ATXN2: variants seen among roughly 807,000 people sequenced by gnomAD.
ATXN2 encodes ataxin-2.
In ATXN2, 37 loss-of-function variants were observed where a neutral mutation model predicts 138.6. The ratio of observed to expected loss-of-function variants is 0.27; its 90% CI spans 0.21 to 0.35. The LOEUF (loss-of-function observed/expected upper bound fraction) is 0.35, where lower values mean the gene tolerates loss of function less well. Ranked by LOEUF, ATXN2 falls within the 10% of genes least tolerant of loss-of-function variation. The pLI, the probability that ATXN2 is intolerant of heterozygous loss-of-function variation, is 1.00. For synonymous variants in ATXN2, 549 were observed against 543.7 expected, an observed-to-expected ratio of 1.01 and a Z score of -0.13; for missense variants, 1,216 against 1,480.3, an observed-to-expected ratio of 0.82 and a Z score of 2.93.
chr12:111,581,835 T>TC, intron 1 of ATXN2: 1 of 368,194 alleles, frequency 2.7e-6, no homozygotes, highest in Non-Finnish European at 5.1e-6. Flanking sequence ...TCCCATGTAC[T>TC]CCATCCACCC....
At chr12:111,573,115 C>T (rs529501100) in intron 1 of ATXN2, among the ~76,000 whole-genome samples, 2 of 151,526 alleles carry the variant, frequency 1.3e-5, no homozygotes, top group East Asian at 1.9e-4. Context: ...AGGACTAAAG[C>T]ATGGTTGATT....
At chr12:111,477,738 G>GT (rs1214262523) in intron 18 of ATXN2, among the ~76,000 whole-genome samples, 1 of 152,000 alleles carries the variant, frequency 6.6e-6, no homozygotes, top group Non-Finnish European at 1.5e-5. Context: ...TATTTTCACA[G>GT]TAAGAAAAGA....
intron 10 of ATXN2, among the ~76,000 whole-genome samples, chr12:111,514,185 C>G (rs1346454307): frequency 6.6e-6 from 1 of 152,136 alleles, no homozygotes; most frequent in Admixed American, 6.5e-5. Context: ...AGGCTGTGAG[C>G]TGAAAATTCT....
At chr12:111,473,658 C>T (rs1368153921) in intron 18 of ATXN2, among the ~76,000 whole-genome samples, 3 of 152,062 alleles carry the variant, frequency 2.0e-5, no homozygotes, top group Non-Finnish European at 4.4e-5. Flanking sequence ...GACATATTAT[C>T]TCCTGGATAG....
rs528324784 is a variant in ATXN2, at chr12:111,574,782, G to T, written c.252-18863C>A. Among the ~76,000 whole-genome samples the T allele has an allele frequency of 5.9e-5, 9 of 152,222 alleles. No homozygotes were observed. The South Asian group carries it at 1.9e-3, about 32-fold the overall frequency. Reference sequence around the variant, plus strand: ...GTTGAAGTATAGTCCTTCACCCAGAGAAGCTAGTGACTCAAGTTCCTGGTT... The same window carrying T: ...GTTGAAGTATAGTCCTTCACCCAGATAAGCTAGTGACTCAAGTTCCTGGTT... On this transcript the variant is annotated intron_variant, in intron 1 of 24. Transcript: ENST00000673436.
rs1001745886 is a variant in ATXN2, at chr12:111,562,612, C to T, written c.252-6693G>A. On this transcript the variant is annotated intron_variant, in intron 1 of 24. Coordinates refer to ENST00000673436, the MANE Select transcript of ATXN2 (RefSeq NM_001372574.1). ...GCGCATGTCTGTAATCCCAGCTACT[C>T]GGGAGGCTGACGCAGGAGAACTGCT... Among the ~76,000 whole-genome samples, 6 of 148,574 alleles carry T rather than the reference C, an allele frequency of 4.0e-5. No individual in the cohort carries two copies. In the South Asian group the frequency reaches 1.1e-3, roughly 27 times the overall value.
chr12:111,549,199 C>A (rs1305058634), intron 5 of ATXN2, among the ~76,000 whole-genome samples: 1 of 152,020 alleles, frequency 6.6e-6, no homozygotes, highest in Admixed American at 6.6e-5. Context: ...GTGAACCCAG[C>A]ATTAAGAAGC....
rs748666992 is a variant in ATXN2, at chr12:111,516,329, GGAA to G, written c.1197_1199del (p.Ser401del). ...ACTGGTAGCGAGAAGGTGGGCGAGA[GGAA>G]GGAGATGGGCAAGGCGATGGCCAGG... On this transcript the variant is annotated inframe_deletion, in exon 10 of 25. Transcript: ENST00000673436. This position sits in a 1 kb window ranked among gnomAD's most constrained non-coding sequence, Gnocchi z 5.0. The G allele has an allele frequency of 1.2e-4, 197 of 1,585,034 alleles. No individual in the cohort carries two copies. Among genetic ancestry groups the G allele is most frequent in the Non-Finnish European group, 2.2e-5 (26 of 1,168,926 alleles).
rs1172751613 is a variant in ATXN2 at position 111,453,086 on chromosome 12, AAAAG to A, written c.3440-250_3440-247del. Reference sequence around the variant, plus strand: ...AGAAGACTTGTTCATGGGGTAGAAAAAAAGGCCTTAACAAACCCCCTCCCCAAAT... The same window carrying A: ...AGAAGACTTGTTCATGGGGTAGAAAAGCCTTAACAAACCCCCTCCCCAAAT... On this transcript the variant is annotated intron_variant, in intron 24 of 24. Coordinates refer to ENST00000673436, the MANE Select transcript of ATXN2 (RefSeq NM_001372574.1). This position sits in a 1 kb window ranked among gnomAD's most constrained non-coding sequence, Gnocchi z 5.4. 4 of 1,281,792 alleles carry A rather than the reference AAAAG, an allele frequency of 3.1e-6. No individual in the cohort carries two copies. The East Asian group carries it at 1.2e-4, about 40-fold the overall frequency. The allele number at this position is 1,281,792 out of a possible 1,614,324, so 79.4% of individuals were successfully genotyped here.
intron 16 of ATXN2, 85 bp downstream of exon 16, chr12:111,486,676 A>G (rs1177051749): frequency 3.3e-5 from 38 of 1,158,876 alleles, no homozygotes; most frequent in Non-Finnish European, 4.4e-5. Context: ...AACAAAATTC[A>G]GATGGCAGGT....
Position 111,470,750 on chromosome 12 carries a change from A to G in ATXN2, c.2525-8T>C. ...GTTGGGGCATATTTGGTACTGCAGA[A>G]AAAAAAGCAGACTGCCTATTAAACA... On this transcript the variant is annotated splice_region_variant and splice_polypyrimidine_tract_variant and intron_variant, in intron 18 of 24. Coordinates refer to ENST00000673436, the MANE Select transcript of ATXN2 (RefSeq NM_001372574.1). 1 of 1,612,924 alleles carries G rather than the reference A, an allele frequency of 6.2e-7. No homozygotes were observed. The highest frequency in any genetic ancestry group is 1.1e-5 in the South Asian group (1 of 91,052).
intron 14 of ATXN2, among the ~76,000 whole-genome samples, chr12:111,502,889 A>G (rs1214299277): frequency 1.3e-5 from 2 of 152,204 alleles, no homozygotes; most frequent in African/African-American, 4.8e-5. Context: ...TTTATAGGCA[A>G]TATCTCATCG....
intron 23 of ATXN2, chr12:111,455,166 C>T (rs1262813434): frequency 2.8e-6 from 2 of 702,054 alleles, no homozygotes; most frequent in Admixed American, 2.0e-5. Context: ...TCACTTAGAC[C>T]CGCCTCAGAG....
chr12:111,559,024 A>G (rs1182755891), intron 1 of ATXN2, among the ~76,000 whole-genome samples: 1 of 151,776 alleles, frequency 6.6e-6, no homozygotes, highest in Non-Finnish European at 1.5e-5. Context: ...TTACAGATCT[A>G]CCAGTTTACG....
In ATXN2 at chr12:111,477,966, T is replaced by A. The variant is rs76535171; in HGVS notation, c.2525-7224A>T. The stretch of plus-strand genomic sequence containing the variant: ...GTGCCTGGCTAATTTTTCTTTTTTC[T>A]TTTTTTTTTTTGCAAAGACAGGGTT... On this transcript the variant is annotated intron_variant, in intron 18 of 24. Coordinates refer to ENST00000673436, the MANE Select transcript of ATXN2 (RefSeq NM_001372574.1). 2.4e-5 allele frequency among the ~76,000 whole-genome samples: 3 copies of A among 127,442 alleles called. No individual in the cohort carries two copies. In the Middle Eastern group the frequency reaches 0.012, roughly 527 times the overall value. 83.6% of individuals were successfully genotyped at this position (127,442 alleles called of 152,430 possible).
At chr12:111,452,898 A>G (rs1169137753) in intron 24 of ATXN2, 58 bp from the exon 25 acceptor site, 61 of 1,523,538 alleles carry the variant, frequency 4.0e-5, no homozygotes, top group Non-Finnish European at 5.2e-5. Context: ...ACATCAGCCT[A>G]GTGTCTCTGC....
intron 15 of ATXN2, among the ~76,000 whole-genome samples, chr12:111,487,429 GCAATTCTT>G (rs922662424): frequency 6.6e-6 from 1 of 151,688 alleles, no homozygotes; most frequent in Admixed American, 6.6e-5. Flanking sequence ...ATCCTTAAAA[GCAATTCTT>G]AACATAACAG....
intron 1 of ATXN2, among the ~76,000 whole-genome samples, chr12:111,587,086 A>AAG (rs1884385879): frequency 6.6e-6 from 1 of 150,634 alleles, no homozygotes. Context: ...AAAAAAAAAA[A>AAG]AAAAAAAGAA....
chr12:111,531,115 T>C (rs940990542), intron 5 of ATXN2, among the ~76,000 whole-genome samples: 9 of 150,678 alleles, frequency 6.0e-5, no homozygotes, highest in African/African-American at 2.2e-4. Context: ...CGAAACTCTG[T>C]TTAAAATTAA....
Sources: allele counts gnomAD v4.1 joint callset (sites outside exome capture counted in the v4.1 genomes callset), GRCh38; gene constraint gnomAD v4.1.1; non-coding constraint Gnocchi (gnomAD v3.1); transcripts MANE v1.5; gene names NCBI Gene and HGNC (gene_info 2026-07-23, HGNC 2026-07-21).